Variants in SOD2 observed in about 807,000 individuals in gnomAD.
SOD2 encodes superoxide dismutase [Mn], mitochondrial.
A neutral mutation model predicts 27.0 loss-of-function variants in SOD2; 11 were observed. The ratio of observed to expected loss-of-function variants is 0.41; its 90% CI spans 0.26 to 0.67. The LOEUF (loss-of-function observed/expected upper bound fraction) is 0.67, where lower values mean the gene tolerates loss of function less well. Among genes scored for constraint, SOD2 ranks in the 30% least tolerant of loss-of-function variants. SOD2 has a pLI of 0.34. For synonymous variants in SOD2, 105 were observed against 103.0 expected (o/e 1.02, Z -0.12); for missense variants, 250 against 274.5 (o/e 0.91, Z 0.63).
intron 3 of SOD2, 26 bp downstream of exon 3, chr6:159,688,100 A>G (rs1780276185): frequency 2.5e-6 from 3 of 1,180,468 alleles, no homozygotes; most frequent in Admixed American, 1.7e-5. Flanking sequence ...CAAAATGTAG[A>G]TAAGGGTGCA....
intron 1 of SOD2, among the ~76,000 whole-genome samples, chr6:159,704,200 G>A (rs542869574): frequency 5.9e-5 from 9 of 152,178 alleles, no homozygotes; most frequent in Non-Finnish European, 1.0e-4. Context: ...CAGCATTAGC[G>A]ATGCAGAAGA....
intron 1 of SOD2, among the ~76,000 whole-genome samples, chr6:159,738,211 G>A (rs779411109): frequency 1.3e-5 from 2 of 152,276 alleles, no homozygotes; most frequent in East Asian, 1.9e-4. Flanking sequence ...AAGCTTCATC[G>A]AGTTATTCTT....
At chr6:159,706,407 A>G (rs1234673879) in intron 1 of SOD2, among the ~76,000 whole-genome samples, 3 of 152,206 alleles carry the variant, frequency 2.0e-5, no homozygotes, top group Non-Finnish European at 1.5e-5. Flanking sequence ...GGCTCAAAAT[A>G]AAGGGATGGA....
rs544934238 is a variant in SOD2, at chr6:159,761,905, C to T, written c.-1204G>A. 417 of 470,700 alleles carry T rather than the reference C, an allele frequency of 8.9e-4. 3 individuals are homozygous for T. Among genetic ancestry groups the T allele is most frequent in the African/African-American group, 6.3e-3 (306 of 48,314 alleles). The allele number at this position is 470,700 out of a possible 1,614,324, so 29.2% of individuals were successfully genotyped here. A position where few individuals can be genotyped will look rare whatever the true frequency, so the allele number is the denominator to read the frequency against. On this transcript the variant is annotated 5_prime_UTR_variant, in exon 1 of 8. Coordinates refer to the SOD2 transcript ENST00000546087. ...GCGCCCCGCGCCCCGCGCGCCTCCG[C>T]CCGCCCCTGCTCCGGCCTTGCGCCT...
intron 1 of SOD2, among the ~76,000 whole-genome samples, chr6:159,701,497 G>T (rs1777522054): frequency 6.6e-6 from 1 of 151,598 alleles, no homozygotes; most frequent in African/African-American, 2.4e-5. Context: ...CCTGAGCCCA[G>T]GAGTTCGAGG....
intron 1 of SOD2, chr6:159,727,105 C>T (rs1333626792): frequency 8.4e-7 from 1 of 1,194,120 alleles, no homozygotes; most frequent in Non-Finnish European, 1.1e-6. Context: ...CTGGCCCGCC[C>T]CTCCCCTCGG....
rs951363257 is a variant in SOD2 at position 159,727,022 on chromosome 6, C to G, written c.-116+107G>C. ...GATCCCTCCGCACGAGGCAGCCCCG[C>G]AGCCGCAGGTGGCCCCGGCGAGTAC... On this transcript the variant is annotated intron_variant, in intron 1 of 2. Transcript: ENST00000401980. The G allele has an allele frequency of 1.1e-5, 14 of 1,238,628 alleles. No homozygotes were observed. The African/African-American group carries it at 2.0e-4, about 18-fold the overall frequency. The allele number at this position is 1,238,628 out of a possible 1,614,324, so 76.7% of individuals were successfully genotyped here. A position where few individuals can be genotyped will look rare whatever the true frequency, so the allele number is the denominator to read the frequency against.
At chr6:159,748,055 T>A, upstream of SOD2, 1 of 1,155,588 alleles carries the variant, frequency 8.7e-7, no homozygotes, top group Non-Finnish European at 1.2e-6. This position sits in a 1 kb window ranked among gnomAD's most constrained non-coding sequence, Gnocchi z 5.6. Context: ...AAGATTTTTC[T>A]AGAGAATTTC....
In SOD2 at chr6:159,673,016, T is replaced by C. The variant is rs1215438174; in HGVS notation, c.*9477A>G. 6.6e-6 allele frequency: 1 copy of C among 152,112 alleles called. No individual in the cohort carries two copies. The highest frequency in any genetic ancestry group is 6.5e-5 in the Admixed American group (1 of 15,278). The allele number at this position is 152,112 out of a possible 1,614,324, so 9.4% of individuals were successfully genotyped here. A position where few individuals can be genotyped will look rare whatever the true frequency, so the allele number is the denominator to read the frequency against. ...AGAGACAAAGAAGGCCATTACATGA[T>C]AGTAAAGGGATCAATTCAACAAGAA... On this transcript the variant is annotated 3_prime_UTR_variant, in exon 5 of 5. Coordinates refer to ENST00000538183, the MANE Select transcript of SOD2 (RefSeq NM_000636.4).
chr6:159,739,345 T>C (rs993563339), intron 1 of SOD2, among the ~76,000 whole-genome samples: 1 of 152,218 alleles, frequency 6.6e-6, no homozygotes, highest in African/African-American at 2.4e-5. Flanking sequence ...CACTTATATT[T>C]ATGGAAGAAA....
chr6:159,727,314 G>A, exon 1 of SOD2: 1 of 1,281,216 alleles, frequency 7.8e-7, no homozygotes, highest in Non-Finnish European at 1.0e-6. Context: ...CTGCGGCCAC[G>A]CCTGAAAGGC....
At chr6:159,728,111 G>A (rs1331830961), upstream of SOD2, among the ~76,000 whole-genome samples, 1 of 152,222 alleles carries the variant, frequency 6.6e-6, no homozygotes, top group African/African-American at 2.4e-5. Context: ...AGAAACATTC[G>A]TTCCCTACAT....
intron 1 of SOD2, among the ~76,000 whole-genome samples, chr6:159,743,371 A>T (rs1779378450): frequency 6.6e-6 from 1 of 152,250 alleles, no homozygotes; most frequent in Non-Finnish European, 1.5e-5. Flanking sequence ...AAATAGGTTA[A>T]AACATACTAA....
intron 2 of SOD2, among the ~76,000 whole-genome samples, chr6:159,690,753 TGA>T (rs1780421719): frequency 6.6e-6 from 1 of 152,174 alleles, no homozygotes; most frequent in Non-Finnish European, 1.5e-5. Context: ...ACATGCTTAA[TGA>T]GAGATAATTT....
rs1231629865 is a variant in SOD2, at chr6:159,671,843, A to C, written c.*10650T>G. The C allele has an allele frequency of 8.5e-5, 13 of 152,210 alleles. No homozygotes were observed. The highest frequency in any genetic ancestry group is 5.9e-5 in the Non-Finnish European group (4 of 68,038). 9.4% of individuals were successfully genotyped at this position (152,210 alleles called of 1,614,324 possible). A position where few individuals can be genotyped will look rare whatever the true frequency, so the allele number is the denominator to read the frequency against. The stretch of plus-strand genomic sequence containing the variant: ...CATCACAAAGAACCTAAAAACCTTG[A>C]AAAAAGATTAGACAAATGGCTAACT... On this transcript the variant is annotated 3_prime_UTR_variant, in exon 5 of 5. Coordinates refer to ENST00000538183, the MANE Select transcript of SOD2 (RefSeq NM_000636.4).
At chr6:159,739,404 C>T (rs1779108146) in intron 1 of SOD2, among the ~76,000 whole-genome samples, 2 of 152,126 alleles carry the variant, frequency 1.3e-5, no homozygotes, top group African/African-American at 4.8e-5. Context: ...TTAGTGTGAC[C>T]TTCACCAGCT....
At chr6:159,743,913 A>G in intron 1 of SOD2, 1 of 1,111,532 alleles carries the variant, frequency 9.0e-7, no homozygotes, top group Non-Finnish European at 1.2e-6. Context: ...ATAGGTACGT[A>G]TGCTTTGAGC....
In SOD2 at chr6:159,708,909, A is replaced by G. The variant is rs562170362; in HGVS notation, c.-115-16046T>C. 1.8e-4 allele frequency among the ~76,000 whole-genome samples: 28 copies of G among 152,348 alleles called. 1 individual carries two copies. In the South Asian group the frequency reaches 5.6e-3, roughly 30 times the overall value. On this transcript the variant is annotated intron_variant, in intron 1 of 2. Transcript: ENST00000401980. ...ACCAAAACAGCATAGTACTGGTACC[A>G]AAACAGAGATATAGACCAATGGAAC...
intron 2 of SOD2, 79 bp from the exon 3 acceptor site, chr6:159,688,321 G>A: frequency 1.1e-6 from 1 of 872,222 alleles, no homozygotes; most frequent in East Asian, 2.5e-5. Flanking sequence ...TTTTTTCTTT[G>A]TAAGCTATTA....
Sources: allele counts gnomAD v4.1 joint callset (sites outside exome capture counted in the v4.1 genomes callset), GRCh38; gene constraint gnomAD v4.1.1; non-coding constraint Gnocchi (gnomAD v3.1); transcripts MANE v1.5; gene names NCBI Gene and HGNC (gene_info 2026-07-23, HGNC 2026-07-21).